RARB: variants seen among roughly 807,000 people sequenced by gnomAD.
RARB encodes the protein HBV-activated protein.
In RARB, 17 loss-of-function variants were observed where a neutral mutation model predicts 51.9. The observed-to-expected ratio is 0.33, with a 90% CI of 0.22 to 0.49. The LOEUF is 0.49. Among genes scored for constraint, RARB ranks in the 20% least tolerant of loss-of-function variants. The pLI, the probability that RARB is intolerant of heterozygous loss-of-function variation, is 0.99. For missense variants in RARB, 369 were observed against 550.8 expected (o/e 0.67, Z 3.30); for synonymous variants, 215 against 195.4 (o/e 1.10, Z -0.84).
chr3:25,378,751 A>C (rs925653661), intron 5 of RARB, among the ~76,000 whole-genome samples: 2 of 152,182 alleles, frequency 1.3e-5, no homozygotes, highest in Admixed American at 6.5e-5. Context: ...CTTCAGGAAG[A>C]CTCAGCTAAT....
In RARB at chr3:24,933,427, A is replaced by G. The variant is rs77825800; in HGVS notation, c.-380+74675A>G. On this transcript the variant is annotated intron_variant, in intron 2 of 11. Coordinates refer to the RARB transcript ENST00000383772. ...TGCAGTTTTTGTACCCTGACAAGAA[A>G]TTTTTCAAGAAGTCAGTTTAAATAA... Among the ~76,000 whole-genome samples the G allele has an allele frequency of 6.6e-3, 1,011 of 152,172 alleles. 15 individuals are homozygous for G. The highest frequency in any genetic ancestry group is 0.041 in the East Asian group (212 of 5,168).
At chr3:25,034,748 A>ACGAATGAT (rs1697948572) in intron 2 of RARB, among the ~76,000 whole-genome samples, 1 of 152,076 alleles carries the variant, frequency 6.6e-6, no homozygotes, top group Non-Finnish European at 1.5e-5. Flanking sequence ...GGCTCACAGA[A>ACGAATGAT]CGAATGATTT....
intron 2 of RARB, among the ~76,000 whole-genome samples, chr3:24,947,333 A>G (rs926833460): frequency 6.6e-6 from 1 of 152,226 alleles, no homozygotes; most frequent in South Asian, 2.1e-4. Flanking sequence ...TATCGTGTTA[A>G]TTTGTGTTAC....
intron 3 of RARB, among the ~76,000 whole-genome samples, chr3:25,128,434 T>C (rs1478441467): frequency 6.8e-6 from 1 of 146,992 alleles, no homozygotes; most frequent in African/African-American, 2.5e-5. Context: ...TTTTATAAAT[T>C]ATTCATATAA....
intron 5 of RARB, among the ~76,000 whole-genome samples, chr3:25,188,543 T>A (rs1284170782): frequency 6.6e-6 from 1 of 152,110 alleles, no homozygotes; most frequent in Non-Finnish European, 1.5e-5. Flanking sequence ...GTGGTAAAAT[T>A]TCCAAGGAGG....
At chr3:25,386,365 G>T (rs1008574376) in intron 5 of RARB, among the ~76,000 whole-genome samples, 1 of 152,224 alleles carries the variant, frequency 6.6e-6, no homozygotes, top group African/African-American at 2.4e-5. Context: ...GCTAGCATGG[G>T]AGGGCCTTGT....
At chr3:25,556,838 C>T (rs1211556227) in intron 3 of RARB, among the ~76,000 whole-genome samples, 1 of 152,206 alleles carries the variant, frequency 6.6e-6, no homozygotes, top group African/African-American at 2.4e-5. Context: ...CTGGGTCACA[C>T]ACCACAGCCC....
At position 24,900,128 on chromosome 3, in the gene RARB, T is replaced by A. The variant is rs549600658; in HGVS notation, c.-380+41376T>A. 3.3e-5 allele frequency among the ~76,000 whole-genome samples: 5 copies of A among 152,348 alleles called. No homozygotes were observed. The East Asian group carries it at 9.6e-4, about 29-fold the overall frequency. ...GCCAGGGCAGCAATAATAGCAGCAT[T>A]TGAATGTTTTTCTTATTAAGGAGAA... On this transcript the variant is annotated intron_variant, in intron 2 of 11. Coordinates refer to the RARB transcript ENST00000383772.
intron 5 of RARB, among the ~76,000 whole-genome samples, chr3:25,193,311 A>G (rs1016146594): frequency 6.6e-6 from 1 of 152,064 alleles, no homozygotes; most frequent in Non-Finnish European, 1.5e-5. Flanking sequence ...CTTCCACTGG[A>G]TGTTTAGAAA....
At chr3:25,329,083 C>G (rs891886035) in intron 5 of RARB, among the ~76,000 whole-genome samples, 1 of 152,206 alleles carries the variant, frequency 6.6e-6, no homozygotes, top group Non-Finnish European at 1.5e-5. Context: ...CCTCTGTAAA[C>G]TGCACCTCTC....
rs551757906 is a variant in RARB at position 25,340,182 on chromosome 3, T to G, written c.179-121011T>G. On this transcript the variant is annotated intron_variant, in intron 5 of 11. Transcript: ENST00000383772. Reference sequence around the variant, plus strand: ...GAGGAGTTTGGTGCTCATCAGTCACTGCACTGGGCTGACTACAAAGGACTC... The same window carrying G: ...GAGGAGTTTGGTGCTCATCAGTCACGGCACTGGGCTGACTACAAAGGACTC... 2.1e-3 allele frequency among the ~76,000 whole-genome samples: 319 copies of G among 152,232 alleles called. 1 individual carries two copies. Among genetic ancestry groups the G allele is most frequent in the African/African-American group, 7.4e-3 (306 of 41,550 alleles).
At chr3:25,589,785 C>T (rs1701542158) in intron 5 of RARB, among the ~76,000 whole-genome samples, 1 of 152,220 alleles carries the variant, frequency 6.6e-6, no homozygotes, top group East Asian at 1.9e-4. Context: ...CAACAGGGCC[C>T]TGCTTTGGTT....
chr3:25,259,505 C>A (rs911404908), intron 5 of RARB, among the ~76,000 whole-genome samples: 1 of 152,102 alleles, frequency 6.6e-6, no homozygotes, highest in Non-Finnish European at 1.5e-5. Context: ...TCCAAGGTAA[C>A]CTAGGAACCT....
intron 2 of RARB, among the ~76,000 whole-genome samples, chr3:24,936,897 G>A (rs1018883355): frequency 6.6e-6 from 1 of 152,096 alleles, no homozygotes; most frequent in Non-Finnish European, 1.5e-5. Context: ...AAATGCTCTG[G>A]AGTGTGTTTG....
In RARB at chr3:25,596,550, C is replaced by T; in HGVS notation, c.1281C>T (p.His427=). 6.2e-7 allele frequency: 1 copy of T among 1,613,914 alleles called. No individual in the cohort carries two copies. The highest frequency in any genetic ancestry group is 8.5e-7 in the Non-Finnish European group (1 of 1,179,810). The change falls in exon 8 of 8, where the codon CAC becomes CAT. Residue 427 remains histidine (H), a synonymous_variant. Coordinates refer to ENST00000330688, the MANE Select transcript of RARB (RefSeq NM_000965.5). ...GTTCAAGTGGGAACACAGCAGAGCA[C>T]AGTCCTAGCATCTCACCCAGCTCAG... ...TPSSSGNTAE[H]SPSISPSSVE...
chr3:24,886,630 C>A (rs1273749490), intron 2 of RARB, among the ~76,000 whole-genome samples: 1 of 151,918 alleles, frequency 6.6e-6, no homozygotes, highest in Admixed American at 6.6e-5. Context: ...TTTGTAGAGA[C>A]AAGGTCTCGT....
At chr3:25,346,680 C>T (rs1254690552) in intron 5 of RARB, among the ~76,000 whole-genome samples, 1 of 152,184 alleles carries the variant, frequency 6.6e-6, no homozygotes, top group Non-Finnish European at 1.5e-5. Flanking sequence ...ATTGCTGCCT[C>T]CGTCAACACA....
At chr3:25,403,079 C>T (rs1352457126) in intron 5 of RARB, among the ~76,000 whole-genome samples, 4 of 150,460 alleles carry the variant, frequency 2.7e-5, no homozygotes, top group South Asian at 4.2e-4. Flanking sequence ...AGAAGAAATG[C>T]TTGAACCAGG....
chr3:25,133,655 G>A (rs559719292), intron 4 of RARB, among the ~76,000 whole-genome samples: 1 of 151,828 alleles, frequency 6.6e-6, no homozygotes, highest in South Asian at 2.1e-4. Flanking sequence ...TGTTTTCTGT[G>A]ACTACACATA....
Sources: gnomAD v4.1 joint callset for allele counts (sites outside exome capture counted in the v4.1 genomes callset) on GRCh38, gnomAD v4.1.1 for gene constraint, MANE v1.5 for transcripts, NCBI Gene and HGNC (gene_info 2026-07-23, HGNC 2026-07-21) for gene names.